IFT70A: variants seen among roughly 807,000 people sequenced by gnomAD.
IFT70A encodes intraflagellar transport 70A, also known as intraflagellar transport protein 70A.
the IFT70A span, chr2:177,618,128 A>G: frequency 6.2e-7 from 1 of 1,614,248 alleles, no homozygotes; most frequent in East Asian, 2.2e-5. Context: ...GCCAGGTTGT[A>G]GGAAAGGTCA....
At chr2:177,618,431 T>C in the IFT70A span, 1 of 1,610,564 alleles carries the variant, frequency 6.2e-7, no homozygotes, top group Non-Finnish European at 8.5e-7. Context: ...AGGCAGGCCT[T>C]GTACAGGGCC....
At chr2:177,618,043 C>G in the IFT70A span, 1 of 1,614,180 alleles carries the variant, frequency 6.2e-7, no homozygotes, top group Non-Finnish European at 8.5e-7. Context: ...AGGATGCTGG[C>G]GGATGCCACG....
At chr2:177,617,698 T>C in the IFT70A span, 1 of 1,614,068 alleles carries the variant, frequency 6.2e-7, no homozygotes, top group Non-Finnish European at 8.5e-7. Flanking sequence ...CAGGTCAAAA[T>C]ACTCATATTT....
the IFT70A span, chr2:177,617,757 C>G: frequency 1.2e-6 from 2 of 1,614,218 alleles, no homozygotes; most frequent in Admixed American, 3.3e-5. Flanking sequence ...GAAAGGGATT[C>G]TGTTGGAGCA....
chr2:177,618,211 A>T, the IFT70A span: 1 of 1,614,216 alleles, frequency 6.2e-7, no homozygotes, highest in Non-Finnish European at 8.5e-7. Context: ...CTCCTTGTAG[A>T]GCAAACAACC....
At chr2:177,617,508 C>A in the IFT70A span, 1 of 1,614,188 alleles carries the variant, frequency 6.2e-7, no homozygotes, top group South Asian at 1.1e-5. Context: ...GTCTTGCTTC[C>A]TGTACTTGCT....
chr2:177,618,627 G>A, the IFT70A span: 2 of 1,609,962 alleles, frequency 1.2e-6, no homozygotes, highest in East Asian at 2.2e-5. Context: ...CGGCGTAGCG[G>A]GCATCGCGGA....
At chr2:177,618,324 C>G in the IFT70A span, 13 of 1,613,966 alleles carry the variant, frequency 8.1e-6, no homozygotes, top group East Asian at 2.9e-4. Context: ...GCAGATCGCC[C>G]TCGCTATACT....
the IFT70A span, chr2:177,614,076 T>C: frequency 6.6e-6 from 1 of 152,172 alleles, no homozygotes; most frequent in Non-Finnish European, 1.5e-5. Context: ...CAGTATGTGG[T>C]GGATCAATCT....
chr2:177,615,949 AAT>A, the IFT70A span: 5 of 152,172 alleles, frequency 3.3e-5, no homozygotes, highest in South Asian at 4.1e-4. Context: ...TTCCACACTT[AAT>A]ATATGTCAGT....
chr2:177,617,625 A>T, the IFT70A span: 2 of 1,614,256 alleles, frequency 1.2e-6, no homozygotes, highest in Non-Finnish European at 1.7e-6. Context: ...CTAAGAAGTC[A>T]TAGAGATAGG....
the IFT70A span, chr2:177,618,658 G>A: frequency 3.1e-6 from 5 of 1,604,564 alleles, no homozygotes; most frequent in Non-Finnish European, 4.3e-6. Flanking sequence ...CACTAGCGCG[G>A]TAAACTCCCC....
the IFT70A span, chr2:177,618,597 G>GC: frequency 1.2e-6 from 2 of 1,605,428 alleles, no homozygotes; most frequent in Non-Finnish European, 1.7e-6. Context: ...GCAGTTCTCG[G>GC]CCCAGCAGCT....
At chr2:177,617,208 A>G in the IFT70A span, 1 of 1,604,786 alleles carries the variant, frequency 6.2e-7, no homozygotes, top group Admixed American at 1.7e-5. Flanking sequence ...CCAGTACAAT[A>G]GCACTGACAT....
At chr2:177,616,086 A>G in the IFT70A span, 2 of 152,320 alleles carry the variant, frequency 1.3e-5, no homozygotes, top group African/African-American at 4.8e-5. Context: ...CACTGACCAA[A>G]CCTCATAACC....
the IFT70A span, chr2:177,615,935 A>T: frequency 1.3e-5 from 2 of 152,162 alleles, no homozygotes; most frequent in African/African-American, 4.8e-5. Flanking sequence ...AAATATTAAT[A>T]AGCTTCCACA....
chr2:177,616,804 G>T, the IFT70A span: 3 of 1,599,584 alleles, frequency 1.9e-6, no homozygotes, highest in Non-Finnish European at 8.5e-7. Context: ...TTCTTCGAGG[G>T]GTTGTTCAAT....
the IFT70A span, chr2:177,617,742 T>C: frequency 1.9e-6 from 3 of 1,614,204 alleles, no homozygotes; most frequent in Non-Finnish European, 2.5e-6. Flanking sequence ...CAAAAGTCTC[T>C]GGAGGAAAGG....
chr2:177,617,358 G>T, the IFT70A span: 85 of 1,596,176 alleles, frequency 5.3e-5, no homozygotes, highest in Admixed American at 6.8e-5. Flanking sequence ...CCACAGATTT[G>T]CGGAAGACCT....
Sources: allele counts gnomAD v4.1 joint callset, GRCh38; gene constraint gnomAD v4.1.1; transcripts MANE v1.5; gene names NCBI Gene and HGNC (gene_info 2026-07-23, HGNC 2026-07-21).